The following IGSF9B variants were observed in gnomAD, a reference collection of about 807,000 sequenced individuals.
IGSF9B encodes protein turtle homolog B.
IGSF9B carries 48 observed loss-of-function variants against 143.7 expected under a neutral mutation model. That is an observed-to-expected ratio of 0.33 (90% CI 0.26 to 0.42). The LOEUF (loss-of-function observed/expected upper bound fraction) is 0.42. IGSF9B is among the 20% of genes least tolerant of loss of function. The probability of loss-of-function intolerance (pLI) is 1.00; values close to 1 mark genes in which losing one functional copy is unlikely to be tolerated. For missense variants in IGSF9B, 1,706 were observed against 1,980.0 expected, an observed-to-expected ratio of 0.86 and a Z score of 2.63; for synonymous variants, 903 against 833.1, an observed-to-expected ratio of 1.08 and a Z score of -1.44.
At chr11:133,940,951 G>A (rs756621626) in intron 3 of IGSF9B, among the ~76,000 whole-genome samples, 17 of 152,300 alleles carry the variant, frequency 1.1e-4, no homozygotes, top group Non-Finnish European at 2.1e-4. Flanking sequence ...GCCCCTGCCT[G>A]CCCGGCCTGC....
At position 133,921,114 on chromosome 11, in the gene IGSF9B, T is replaced by C. The variant is rs1309160212; in HGVS notation, c.2611A>G (p.Ser871Gly). ...AAGGGGAAGCCCTCGATGCGCCTGC[T>C]CTTCAGCGAGGGCTCCATCTCGGCA... ...DPAEMEPSLK[S>G]RRIEGFPFAE... Residue 871 changes from serine (S) to glycine (G), a missense_variant, in exon 18 of 20, where the codon AGC (serine) becomes GGC (glycine). This residue lies in a region of IGSF9B where 880 missense variants were observed against 762.9 expected (regional missense o/e 1.15). Transcript: ENST00000533871. 13 of 1,613,842 alleles carry C rather than the reference T, an allele frequency of 8.1e-6. No homozygotes were observed. Among genetic ancestry groups the C allele is most frequent in the Non-Finnish European group, 1.1e-5 (13 of 1,179,874 alleles).
Position 133,920,429 on chromosome 11 carries a change from G to C in IGSF9B, c.3296C>G (p.Ala1099Gly). ...AAYPGILSLE[A>G]PKGWAGKSPG... ...CGACTTGCCTGCCCAACCCTTCGGT[G>C]CCTCCAGAGACAGGATGCCCGGGTA... The change falls in exon 18 of 20, where the codon GCA (alanine) becomes GGA (glycine). Residue 1099 changes from alanine to glycine, a missense_variant. Transcript: ENST00000533871. The C allele has an allele frequency of 6.3e-7, 1 of 1,581,558 alleles. No individual in the cohort carries two copies. Among genetic ancestry groups the C allele is most frequent in the African/African-American group, 1.4e-5 (1 of 73,924 alleles).
intron 17 of IGSF9B, 134 bp downstream of exon 17, chr11:133,922,043 A>T: frequency 1.4e-6 from 1 of 730,158 alleles, no homozygotes. Flanking sequence ...GGGCTGGGCA[A>T]GTACAATTAA....
At chr11:133,940,506 C>G (rs1208991256) in intron 3 of IGSF9B, among the ~76,000 whole-genome samples, 1 of 144,226 alleles carries the variant, frequency 6.9e-6, no homozygotes, top group Admixed American at 6.9e-5. Context: ...CTTGCACATC[C>G]TCGCACGCGT....
At position 133,928,867 on chromosome 11, in the gene IGSF9B, C is replaced by T. The variant is rs1793680; in HGVS notation, c.1631+804G>A. On this transcript the variant is annotated intron_variant, in intron 12 of 19. Coordinates refer to ENST00000533871, the MANE Select transcript of IGSF9B (RefSeq NM_001277285.4). This position sits in a 1 kb window ranked among gnomAD's most constrained non-coding sequence, Gnocchi z 4.7. ...CTGACAACAGAGGAATGAAAACAAT[C>T]GAGAAACACATGGTCCTAGAGAGAA... Among the ~76,000 whole-genome samples the T allele has an allele frequency of 0.31, 47,632 of 152,040 alleles. 8,314 individuals are homozygous for T. The highest frequency in any genetic ancestry group is 0.42 in the Middle Eastern group (122 of 292).
At chr11:133,929,846 G>A (rs1939691873) in intron 11 of IGSF9B, 64 bp from the exon 12 acceptor site, 29 of 1,101,266 alleles carry the variant, frequency 2.6e-5, no homozygotes, top group South Asian at 2.5e-4. Context: ...GGTGCCCACC[G>A]TCTGGCTGTG....
At position 133,906,806 on chromosome 11, in the gene IGSF9B, G is replaced by A. The variant is rs1939217252; in HGVS notation, c.*2263C>T. 6.6e-6 allele frequency among the ~76,000 whole-genome samples: 1 copy of A among 152,164 alleles called. No individual in the cohort carries two copies. Among genetic ancestry groups the A allele is most frequent in the African/African-American group, 2.4e-5 (1 of 41,438 alleles). On this transcript the variant is annotated 3_prime_UTR_variant, in exon 20 of 20. Coordinates refer to ENST00000533871, the MANE Select transcript of IGSF9B (RefSeq NM_001277285.4). The stretch of plus-strand genomic sequence containing the variant: ...ATCCCAGGGCCTGGCTGAGCCCCGT[G>A]AGCTCCTCTGGGGTAGAAATCTCAC...
rs1011852287 is a variant in IGSF9B at position 133,926,949 on chromosome 11, C to A, written c.1774G>T (p.Ala592Ser). Residue 592 changes from alanine (A) to serine (S), a missense_variant, in exon 13 of 20, where the codon GCC becomes TCC. Transcript: ENST00000533871. Reference sequence around the variant, plus strand: ...TTCACAGTGACCACCTCACTGAAGGCGCTGGTTCCCAGCTTGTTCTGGGCC... The same window carrying A: ...TTCACAGTGACCACCTCACTGAAGGAGCTGGTTCCCAGCTTGTTCTGGGCC... ...VLAQNKLGTS[A>S]FSEVVTVNTL... 16 of 1,598,530 alleles carry A rather than the reference C, an allele frequency of 1.0e-5. No individual in the cohort carries two copies. Among genetic ancestry groups the A allele is most frequent in the Non-Finnish European group, 1.4e-5 (16 of 1,172,740 alleles).
rs1336742162 is a variant in IGSF9B, at chr11:133,903,529, T to C, written c.*5540A>G. Among the ~76,000 whole-genome samples, 1 of 152,218 alleles carries C rather than the reference T, an allele frequency of 6.6e-6. No individual in the cohort carries two copies. Among genetic ancestry groups the C allele is most frequent in the Admixed American group, 6.5e-5 (1 of 15,284 alleles). On this transcript the variant is annotated 3_prime_UTR_variant, in exon 20 of 20. Transcript: ENST00000533871. ...TATGGCAACCAAGATACCCAGACTCTTCCTTCTCTAAGATGTGAGCAGCCA... is the reference window on the plus strand; with the variant it reads ...TATGGCAACCAAGATACCCAGACTCCTCCTTCTCTAAGATGTGAGCAGCCA...
chr11:133,909,075 CA>C lies in IGSF9B; in HGVS notation c.4307del (p.Leu1436CysfsTer8). On this transcript the variant is annotated frameshift_variant, in exon 20 of 20. Transcript: ENST00000533871. LOFTEE classifies it high-confidence loss of function. This position sits in a 1 kb window ranked among gnomAD's most constrained non-coding sequence, Gnocchi z 4.2. ...VDHDDPGHAT[L>X]L ...CACCTAGAGTGGGGTGGAGTCACAG[CA>C]AAGTGGCATGTCCTGGGTCATCGTG... 6.5e-7 allele frequency: 1 copy of C among 1,535,516 alleles called. No individual in the cohort carries two copies. The highest frequency in any genetic ancestry group is 8.7e-7 in the Non-Finnish European group (1 of 1,146,428).
Position 133,920,414 on chromosome 11 carries a change from G to A in IGSF9B, c.3311C>T (p.Ala1104Val), listed in dbSNP as rs1320580602. Residue 1104 changes from alanine to valine, a missense_variant, in exon 18 of 20, where the codon GCA (alanine) becomes GTA (valine). Ala to Val is a moderately conservative substitution (Grantham distance 64). Around this residue, in one of 7 missense-constraint regions of IGSF9B, gnomAD observed 880 missense variants for 762.9 expected, o/e 1.15. Transcript: ENST00000533871. ...AGGGCCCCTGCCGGGCGACTTGCCT[G>A]CCCAACCCTTCGGTGCCTCCAGAGA... ...ILSLEAPKGW[A>V]GKSPGRGPVP... The A allele has an allele frequency of 2.5e-6, 4 of 1,590,354 alleles. No homozygotes were observed. Among genetic ancestry groups the A allele is most frequent in the Non-Finnish European group, 3.4e-6 (4 of 1,170,006 alleles).
At chr11:133,947,742 C>CT (rs775225561) in intron 1 of IGSF9B, among the ~76,000 whole-genome samples, 2 of 150,682 alleles carry the variant, frequency 1.3e-5, no homozygotes, top group Admixed American at 6.6e-5. Flanking sequence ...CTCTCTCTCG[C>CT]ATCTCTGGAT....
Position 133,948,857 on chromosome 11 carries a change from G to A in IGSF9B, c.65-2599C>T, listed in dbSNP as rs1260243954. On this transcript the variant is annotated intron_variant, in intron 1 of 19. Transcript: ENST00000533871. This position sits in a 1 kb window ranked among gnomAD's most constrained non-coding sequence, Gnocchi z 4.7. ...GCAGGCACCTCCAACAGTGGAGTTT[G>A]CTCTGGTGAGCTGGCTTCCAGGTGG... is the stretch of plus-strand genomic sequence containing the variant. Among the ~76,000 whole-genome samples, 1 of 152,220 alleles carries A rather than the reference G, an allele frequency of 6.6e-6. No homozygotes were observed. Among genetic ancestry groups the A allele is most frequent in the Non-Finnish European group, 1.5e-5 (1 of 68,042 alleles).
chr11:133,914,604 G>A (rs901035), intron 18 of IGSF9B, among the ~76,000 whole-genome samples: 21,507 of 152,092 alleles, frequency 0.14, 1,885 homozygotes, highest in Middle Eastern at 0.21. Flanking sequence ...CAGCCCTTCC[G>A]GGACACCTGC....
rs776015027 is a variant in IGSF9B, at chr11:133,944,204, G to A, written c.409+16C>T. ...GTTGATGGTGAGGTGGACCCACCCT[G>A]GAAGCCGTCACTCACCGTTGATGGT... On this transcript the variant is annotated intron_variant, in intron 3 of 19. Transcript: ENST00000533871. 4 of 1,584,714 alleles carry A rather than the reference G, an allele frequency of 2.5e-6. No homozygotes were observed. The highest frequency in any genetic ancestry group is 3.4e-6 in the Non-Finnish European group (4 of 1,163,542).
chr11:133,904,127 GA>G lies in IGSF9B; in HGVS notation c.*4941del, dbSNP rs1351340334. ...AAGCCACTGTGCAACTTCATGGCCGGAAGGAAGCCTCTCTACCTCAAGAGGA... is the reference window on the plus strand; with the variant it reads ...AAGCCACTGTGCAACTTCATGGCCGGAGGAAGCCTCTCTACCTCAAGAGGA... On this transcript the variant is annotated 3_prime_UTR_variant, in exon 20 of 20. Transcript: ENST00000533871. Among the ~76,000 whole-genome samples, 3 of 152,172 alleles carry G rather than the reference GA, an allele frequency of 2.0e-5. No individual in the cohort carries two copies. Among genetic ancestry groups the G allele is most frequent in the African/African-American group, 7.2e-5 (3 of 41,444 alleles).
At chr11:133,929,642 A>G in intron 12 of IGSF9B, 29 bp downstream of exon 12, 1 of 1,498,646 alleles carries the variant, frequency 6.7e-7, no homozygotes, top group Non-Finnish European at 9.3e-7. Context: ...AGAGCAAAGC[A>G]TGCCGGGGTG....
In IGSF9B at chr11:133,953,352, T is replaced by C. The variant is rs1378756959; in HGVS notation, c.64+3339A>G. Reference sequence around the variant, plus strand: ...CAGCCAAGCCCTTCTCACATCCCCGTCTCCCCAGCTTCCCACAGGGCACAG... The same window carrying C: ...CAGCCAAGCCCTTCTCACATCCCCGCCTCCCCAGCTTCCCACAGGGCACAG... On this transcript the variant is annotated intron_variant, in intron 1 of 19. Transcript: ENST00000533871. This position sits in a 1 kb window ranked among gnomAD's most constrained non-coding sequence, Gnocchi z 4.2. 6.6e-6 allele frequency among the ~76,000 whole-genome samples: 1 copy of C among 151,956 alleles called. No individual in the cohort carries two copies. The highest frequency in any genetic ancestry group is 1.5e-5 in the Non-Finnish European group (1 of 67,974).
intron 14 of IGSF9B, 41 bp from the exon 15 acceptor site, chr11:133,924,945 G>T: frequency 6.5e-7 from 1 of 1,545,392 alleles, no homozygotes; most frequent in Non-Finnish European, 8.9e-7. Context: ...CGAGGGACCT[G>T]AGATGACCAC....
Sources: gnomAD v4.1 joint callset for allele counts (sites outside exome capture counted in the v4.1 genomes callset) on GRCh38, gnomAD v4.1.1 for gene constraint, gnomAD v4.1.1 regional missense constraint, Gnocchi (gnomAD v3.1) non-coding constraint, MANE v1.5 for transcripts, NCBI Gene and HGNC (gene_info 2026-07-23, HGNC 2026-07-21) for gene names.